Variants in TOX2 observed in about 807,000 individuals in gnomAD.
TOX2 encodes the protein granulosa cell HMG box 1.
TOX2 carries 15 observed loss-of-function variants against 47.4 expected under a neutral mutation model. That is an observed-to-expected ratio of 0.32 (90% CI 0.21 to 0.49). The LOEUF (loss-of-function observed/expected upper bound fraction) is 0.49. Among genes scored for constraint, TOX2 ranks in the 20% least tolerant of loss-of-function variants. TOX2 has a pLI of 0.99. For synonymous variants in TOX2, 290 were observed against 296.6 expected (o/e 0.98, Z 0.23); for missense variants, 622 against 673.1 (o/e 0.92, Z 0.84).
intron 3 of TOX2, 111 bp from the exon 4 acceptor site, chr20:44,051,195 C>G: frequency 6.9e-7 from 1 of 1,454,038 alleles, no homozygotes; most frequent in African/African-American, 1.4e-5. Flanking sequence ...GAGCAGGAGC[C>G]GCACCCATCA....
At chr20:43,919,694 C>T (rs1372412539) in intron 1 of TOX2, among the ~76,000 whole-genome samples, 1 of 152,182 alleles carries the variant, frequency 6.6e-6, no homozygotes, top group East Asian at 1.9e-4. Context: ...ACTTGACAGG[C>T]CCCGGTGTGT....
At chr20:43,999,698 G>C (rs979082737) in intron 2 of TOX2, among the ~76,000 whole-genome samples, 10 of 152,168 alleles carry the variant, frequency 6.6e-5, no homozygotes, top group African/African-American at 2.4e-4. Context: ...ATTTCCACTG[G>C]TCTTTTTTGC....
chr20:44,024,696 T>C (rs1386600581), intron 3 of TOX2, among the ~76,000 whole-genome samples: 1 of 152,196 alleles, frequency 6.6e-6, no homozygotes, highest in Non-Finnish European at 1.5e-5. Context: ...TTGTTAAAAC[T>C]GCACCATCCA....
chr20:43,957,712 A>G lies in TOX2; in HGVS notation c.100-15655A>G, dbSNP rs139270442. ...TGTTCTTACACTTCTATAAAGACAT[A>G]CCTGAGACTGGGTAATTTATGAAGA... On this transcript the variant is annotated intron_variant, in intron 1 of 8. Transcript: ENST00000341197. Among the ~76,000 whole-genome samples the G allele has an allele frequency of 7.5e-3, 1,135 of 152,136 alleles. 13 individuals carry two copies. The highest frequency in any genetic ancestry group is 0.026 in the African/African-American group (1,071 of 41,480).
intron 3 of TOX2, among the ~76,000 whole-genome samples, chr20:44,032,753 A>C (rs911057789): frequency 6.6e-6 from 1 of 152,334 alleles, no homozygotes; most frequent in African/African-American, 2.4e-5. Flanking sequence ...TCACACCCCC[A>C]GCTGAGCAAT....
At chr20:43,928,289 G>A (rs1033720953) in intron 1 of TOX2, among the ~76,000 whole-genome samples, 1 of 152,220 alleles carries the variant, frequency 6.6e-6, no homozygotes, top group African/African-American at 2.4e-5. Flanking sequence ...AGGTAATGAT[G>A]TATGTTTAAG....
intron 2 of TOX2, 103 bp downstream of exon 2, chr20:43,973,535 G>C: frequency 3.3e-6 from 3 of 905,890 alleles, no homozygotes; most frequent in Non-Finnish European, 5.3e-6. Context: ...GGCCAGCACA[G>C]CCCGCTGCTG....
chr20:43,925,528 A>G (rs2069155885), intron 1 of TOX2, among the ~76,000 whole-genome samples: 1 of 152,096 alleles, frequency 6.6e-6, no homozygotes, highest in South Asian at 2.1e-4. Flanking sequence ...TTCTCATTTC[A>G]ATTAGAGAAT....
intron 3 of TOX2, chr20:44,038,940 T>A: frequency 1.7e-6 from 2 of 1,183,424 alleles, no homozygotes; most frequent in Non-Finnish European, 2.1e-6. Context: ...GCCTCGTTCC[T>A]GCTGCCTCCG....
At chr20:44,048,842 A>G (rs1027068618) in intron 3 of TOX2, among the ~76,000 whole-genome samples, 73 of 152,250 alleles carry the variant, frequency 4.8e-4, no homozygotes, top group African/African-American at 1.6e-3. Flanking sequence ...TGTAATAAAA[A>G]CCAATATCAG....
At chr20:43,985,800 C>T (rs1376896425) in intron 2 of TOX2, among the ~76,000 whole-genome samples, 1 of 152,084 alleles carries the variant, frequency 6.6e-6, no homozygotes, top group African/African-American at 2.4e-5. Flanking sequence ...GTGCCAACAG[C>T]CACCCGGTGG....
intron 1 of TOX2, chr20:43,945,877 C>T (rs1319770415): frequency 1.2e-6 from 2 of 1,606,892 alleles, no homozygotes; most frequent in Non-Finnish European, 1.7e-6. Context: ...ATAAAGCTTG[C>T]TATTTCTGGC....
chr20:43,983,217 C>T (rs1045902013), intron 2 of TOX2, among the ~76,000 whole-genome samples: 3 of 152,120 alleles, frequency 2.0e-5, no homozygotes, highest in Non-Finnish European at 4.4e-5. Flanking sequence ...AGGCCAACAT[C>T]CTCATGCTAC....
chr20:44,054,391 G>A lies in TOX2; in HGVS notation c.744G>A (p.Lys248=), dbSNP rs748617791. ...AGAAGGACCCCAATGAGCCGCAGAA[G>A]CCTGTGTCGGCCTACGCACTCTTCT... The part of the protein sequence containing the change: ...KKKKDPNEPQ[K]PVSAYALFFR... The change falls in exon 5 of 9, where the codon AAG becomes AAA. Residue 248 remains lysine, a synonymous_variant. Transcript: ENST00000341197. The A allele has an allele frequency of 3.3e-5, 53 of 1,611,852 alleles. No homozygotes were observed. The highest frequency in any genetic ancestry group is 4.5e-5 in the Non-Finnish European group (53 of 1,179,392).
At chr20:43,992,859 A>T (rs1600716483) in intron 2 of TOX2, among the ~76,000 whole-genome samples, 1 of 147,990 alleles carries the variant, frequency 6.8e-6, no homozygotes, top group African/African-American at 2.4e-5. Flanking sequence ...CAAAAAAAAA[A>T]AAAAAAAGAA....
intron 2 of TOX2, among the ~76,000 whole-genome samples, chr20:43,994,159 AAATTC>A (rs1370683699): frequency 1.3e-5 from 2 of 151,818 alleles, no homozygotes; most frequent in African/African-American, 4.8e-5. Flanking sequence ...TCGAAAAAGA[AAATTC>A]AATTAAAAAA....
intron 2 of TOX2, among the ~76,000 whole-genome samples, chr20:44,001,043 A>G (rs1378469246): frequency 2.0e-5 from 3 of 152,154 alleles, no homozygotes; most frequent in African/African-American, 7.2e-5. Context: ...AACGAGTGGA[A>G]ATGAAGAGGT....
chr20:44,037,428 G>T (rs1009147437), intron 3 of TOX2, among the ~76,000 whole-genome samples: 3 of 152,374 alleles, frequency 2.0e-5, no homozygotes, highest in Admixed American at 1.3e-4. Context: ...CAGGGTCATT[G>T]TTACCCCATG....
intron 4 of TOX2, 47 bp from the exon 5 acceptor site, chr20:44,054,252 G>A (rs2071577575): frequency 6.4e-7 from 1 of 1,557,432 alleles, no homozygotes; most frequent in South Asian, 1.2e-5. Flanking sequence ...CCTTTGGCAG[G>A]AGGCCCTTGG....
Sources: gnomAD v4.1 joint callset for allele counts (sites outside exome capture counted in the v4.1 genomes callset) on GRCh38, gnomAD v4.1.1 for gene constraint, MANE v1.5 for transcripts, NCBI Gene and HGNC (gene_info 2026-07-23, HGNC 2026-07-21) for gene names.